CDK14: variants seen among roughly 807,000 people sequenced by gnomAD.
CDK14 encodes the protein cyclin dependent kinase 14.
In CDK14, 34 loss-of-function variants were observed where a neutral mutation model predicts 60.7. That is an observed-to-expected ratio of 0.56 (90% CI 0.43 to 0.75). The LOEUF is 0.75. CDK14 is among the 30% of genes least tolerant of loss of function. The probability of loss-of-function intolerance (pLI) is 0.00; values close to 1 mark genes in which losing one functional copy is unlikely to be tolerated. For missense variants in CDK14, 482 were observed against 564.1 expected (o/e 0.85, Z 1.47); for synonymous variants, 197 against 203.7 (o/e 0.97, Z 0.28).
chr7:90,729,376 A>T lies in CDK14; in HGVS notation c.369+2564A>T, dbSNP rs1465590515. On this transcript the variant is annotated intron_variant, in intron 3 of 14. Coordinates refer to ENST00000380050, the MANE Select transcript of CDK14 (RefSeq NM_001287135.2). ...TTTTTTTTTTTTTTTTTTTTTCCCCACTCATCCTAGGCAATGTGACTTCTC... is the reference window on the plus strand; with the variant it reads ...TTTTTTTTTTTTTTTTTTTTTCCCCTCTCATCCTAGGCAATGTGACTTCTC... Among the ~76,000 whole-genome samples the T allele has an allele frequency of 3.1e-3, 49 of 16,024 alleles. 1 individual carries two copies. The highest frequency in any genetic ancestry group is 0.013 in the East Asian group (2 of 152). The allele number at this position is 16,024 out of a possible 152,430, so 10.5% of individuals were successfully genotyped here.
chr7:91,040,578 A>G (rs971233883), intron 10 of CDK14, among the ~76,000 whole-genome samples: 1 of 152,232 alleles, frequency 6.6e-6, no homozygotes, highest in African/African-American at 2.4e-5. Flanking sequence ...TAAAATCCAC[A>G]TCGCCACTGT....
At chr7:90,989,803 T>C (rs1046532902) in intron 10 of CDK14, among the ~76,000 whole-genome samples, 1 of 152,234 alleles carries the variant, frequency 6.6e-6, no homozygotes, top group African/African-American at 2.4e-5. Flanking sequence ...GAAGTTAAAC[T>C]AAGTGATTTC....
At chr7:90,803,788 T>C (rs1211037876) in intron 5 of CDK14, among the ~76,000 whole-genome samples, 1 of 152,200 alleles carries the variant, frequency 6.6e-6, no homozygotes, top group Non-Finnish European at 1.5e-5. Flanking sequence ...TGTTACCATC[T>C]TCATTTTACT....
intron 7 of CDK14, among the ~76,000 whole-genome samples, chr7:90,906,737 A>G (rs1381579348): frequency 6.6e-6 from 1 of 152,056 alleles, no homozygotes; most frequent in African/African-American, 2.4e-5. Context: ...TTACAATGGT[A>G]ATGTATCCTG....
intron 10 of CDK14, among the ~76,000 whole-genome samples, chr7:91,002,888 C>A (rs563909625): frequency 6.6e-6 from 1 of 151,994 alleles, no homozygotes; most frequent in Admixed American, 6.6e-5. Context: ...CTGGCTAACA[C>A]GGTGAAACCC....
chr7:90,869,455 G>C (rs1483124771), intron 6 of CDK14, among the ~76,000 whole-genome samples: 2 of 152,228 alleles, frequency 1.3e-5, no homozygotes, highest in Non-Finnish European at 2.9e-5. Context: ...ATGGCATTCA[G>C]ATTCTGTGGG....
intron 6 of CDK14, among the ~76,000 whole-genome samples, chr7:90,886,698 G>C (rs1791956172): frequency 6.6e-6 from 1 of 152,230 alleles, no homozygotes; most frequent in African/African-American, 2.4e-5. Flanking sequence ...AATGGTGTTG[G>C]TCTTTGCTGC....
chr7:91,170,573 A>G (rs1233342129), intron 14 of CDK14, among the ~76,000 whole-genome samples: 1 of 152,194 alleles, frequency 6.6e-6, no homozygotes, highest in Non-Finnish European at 1.5e-5. Flanking sequence ...TTTAAAGTGG[A>G]GAGATAGAAA....
intron 2 of CDK14, among the ~76,000 whole-genome samples, chr7:90,654,581 A>G (rs1312814919): frequency 6.6e-6 from 1 of 152,206 alleles, no homozygotes; most frequent in Non-Finnish European, 1.5e-5. Context: ...TCCATCAGAT[A>G]GAATTCCTGA....
intron 2 of CDK14, among the ~76,000 whole-genome samples, chr7:90,656,589 A>G (rs1185443438): frequency 1.3e-5 from 2 of 152,206 alleles, no homozygotes; most frequent in Non-Finnish European, 2.9e-5. Context: ...CATATTGGCC[A>G]GGCTGGTCTT....
chr7:90,947,348 A>G (rs1029108110), intron 8 of CDK14, among the ~76,000 whole-genome samples: 1 of 152,082 alleles, frequency 6.6e-6, no homozygotes, highest in African/African-American at 2.4e-5. Context: ...TTGCCAGGCA[A>G]CCTGTTCCCA....
At chr7:91,160,271 G>T (rs937942448) in intron 14 of CDK14, among the ~76,000 whole-genome samples, 10 of 152,138 alleles carry the variant, frequency 6.6e-5, no homozygotes, top group Non-Finnish European at 1.3e-4. Context: ...AATTGCACTG[G>T]AAGCATCTAA....
At chr7:91,160,710 C>A (rs1379324209) in intron 14 of CDK14, among the ~76,000 whole-genome samples, 5 of 151,854 alleles carry the variant, frequency 3.3e-5, no homozygotes, top group African/African-American at 1.2e-4. Context: ...TTACTATATT[C>A]CATGCTTGCT....
intron 14 of CDK14, among the ~76,000 whole-genome samples, chr7:91,202,467 A>T (rs1208464536): frequency 6.6e-6 from 1 of 152,242 alleles, no homozygotes; most frequent in East Asian, 1.9e-4. Context: ...TGCATGCAAC[A>T]TGTTTTAATA....
At chr7:90,609,483 T>C (rs1424532914) in intron 2 of CDK14, among the ~76,000 whole-genome samples, 1 of 152,192 alleles carries the variant, frequency 6.6e-6, no homozygotes, top group African/African-American at 2.4e-5. Context: ...GGTGCTGTTC[T>C]GGTGATAGTG....
At chr7:91,058,379 C>T (rs894543874) in intron 11 of CDK14, among the ~76,000 whole-genome samples, 9 of 152,116 alleles carry the variant, frequency 5.9e-5, no homozygotes, top group African/African-American at 2.2e-4. Flanking sequence ...TCCTCTTTTC[C>T]TAATTGAATA....
chr7:90,961,620 G>A (rs1030248676), intron 9 of CDK14, among the ~76,000 whole-genome samples: 2 of 152,218 alleles, frequency 1.3e-5, no homozygotes, highest in Non-Finnish European at 2.9e-5. Context: ...ATATGAATTA[G>A]TTACTGTCAA....
At chr7:91,052,850 C>A (rs753391013) in intron 11 of CDK14, among the ~76,000 whole-genome samples, 4 of 152,102 alleles carry the variant, frequency 2.6e-5, no homozygotes, top group Non-Finnish European at 4.4e-5. Flanking sequence ...TGTCTCCCAA[C>A]GAATGAAATA....
At chr7:90,890,469 C>CCCTGAATG (rs1225052092) in intron 6 of CDK14, among the ~76,000 whole-genome samples, 1 of 152,126 alleles carries the variant, frequency 6.6e-6, no homozygotes, top group Non-Finnish European at 1.5e-5. Context: ...CTGTTAAACA[C>CCCTGAATG]CCTGAATGCC....
Sources: allele counts gnomAD v4.1 joint callset (sites outside exome capture counted in the v4.1 genomes callset), GRCh38; gene constraint gnomAD v4.1.1; transcripts MANE v1.5; gene names NCBI Gene and HGNC (gene_info 2026-07-23, HGNC 2026-07-21).